RELCH: variants seen among roughly 807,000 people sequenced by gnomAD.
RELCH encodes RAB11-binding protein RELCH.
RELCH carries 41 observed loss-of-function variants against 150.3 expected under a neutral mutation model. That is an observed-to-expected ratio of 0.27 (90% CI 0.21 to 0.35). The LOEUF (loss-of-function observed/expected upper bound fraction) is 0.35, where lower values mean the gene tolerates loss of function less well. Ranked by LOEUF, RELCH falls within the 10% of genes least tolerant of loss-of-function variation. The pLI, the probability that RELCH is intolerant of heterozygous loss-of-function variation, is 1.00. For missense variants in RELCH, 1,092 were observed against 1,467.8 expected, an observed-to-expected ratio of 0.74 and a Z score of 4.18; for synonymous variants, 478 against 531.8, an observed-to-expected ratio of 0.90 and a Z score of 1.39.
chr18:62,286,149 A>G (rs1271566472), intron 25 of RELCH, among the ~76,000 whole-genome samples: 1 of 152,212 alleles, frequency 6.6e-6, no homozygotes, highest in Non-Finnish European at 1.5e-5. Context: ...TAAAGGAACC[A>G]TATATGAATA....
Position 62,308,607 on chromosome 18 carries a change from C to T in RELCH, c.*3073C>T, listed in dbSNP as rs1037899872. The T allele has an allele frequency of 6.6e-6, 1 of 152,226 alleles. No homozygotes were observed. Among genetic ancestry groups the T allele is most frequent in the Middle Eastern group, 3.4e-3 (1 of 296 alleles). The allele number at this position is 152,226 out of a possible 1,614,324, so 9.4% of individuals were successfully genotyped here. On this transcript the variant is annotated 3_prime_UTR_variant, in exon 29 of 29. Transcript: ENST00000644646. ...TGACGTGGGCCTGTAATCCCTGCTACTCGGGAGGCTGAGACAGGAGAATCG... is the reference window on the plus strand; with the variant it reads ...TGACGTGGGCCTGTAATCCCTGCTATTCGGGAGGCTGAGACAGGAGAATCG...
In RELCH at chr18:62,196,371, A is replaced by G. The variant is rs189987860; in HGVS notation, c.526+8340A>G. 5.9e-5 allele frequency among the ~76,000 whole-genome samples: 9 copies of G among 152,260 alleles called. No homozygotes were observed. In the East Asian group the frequency reaches 1.7e-3, roughly 29 times the overall value. ...CAGCCTCCTCAGTAGCTGGGATTAC[A>G]AGCCCGCACCACCACACCTGGCTAA... On this transcript the variant is annotated intron_variant, in intron 1 of 28. Transcript: ENST00000644646.
At chr18:62,248,853 A>G (rs1456654351) in intron 11 of RELCH, among the ~76,000 whole-genome samples, 1 of 152,188 alleles carries the variant, frequency 6.6e-6, no homozygotes, top group African/African-American at 2.4e-5. Flanking sequence ...GGAGGGCCAC[A>G]GATCAGGGTG....
intron 15 of RELCH, 132 bp downstream of exon 15, chr18:62,258,808 A>T (rs2043112945): frequency 1.8e-6 from 1 of 553,862 alleles, no homozygotes; most frequent in Non-Finnish European, 3.0e-6. Context: ...CCAGTTAAAG[A>T]TGCTGTTGGA....
At chr18:62,282,562 G>C in intron 25 of RELCH, 118 bp downstream of exon 25, 2 of 953,330 alleles carry the variant, frequency 2.1e-6, no homozygotes, top group South Asian at 1.4e-5. Context: ...TTAAAGCCTT[G>C]TGTACTGAAA....
chr18:62,270,616 T>G (rs775951529), intron 20 of RELCH, among the ~76,000 whole-genome samples: 9 of 152,144 alleles, frequency 5.9e-5, no homozygotes, highest in Non-Finnish European at 1.2e-4. Flanking sequence ...AGTACAGCAA[T>G]TCATATTTAT....
At position 62,264,009 on chromosome 18, in the gene RELCH, A is replaced by G. The variant is rs780920433; in HGVS notation, c.2371A>G (p.Met791Val). 9.9e-6 allele frequency: 16 copies of G among 1,608,348 alleles called. No homozygotes were observed. Among genetic ancestry groups the G allele is most frequent in the African/African-American group, 1.3e-5 (1 of 74,302 alleles). Reference protein sequence around the residue: ...QIEVTRFPRPMSPLQDVSTII... With the variant: ...QIEVTRFPRPVSPLQDVSTII... ...TGTAGTGACTAGGTTTCCTCGGCCT[A>G]TGTCGCCTCTTCAAGATGTGTCCAC... Residue 791 changes from methionine to valine, a missense_variant, in exon 17 of 29, where the codon ATG becomes GTG. Met to Val is a conservative substitution (Grantham distance 21, BLOSUM62 1). Transcript: ENST00000644646.
intron 26 of RELCH, among the ~76,000 whole-genome samples, chr18:62,290,532 A>T (rs1600256631): frequency 6.7e-6 from 1 of 148,806 alleles, no homozygotes; most frequent in South Asian, 2.1e-4. Context: ...AAATTCTGTT[A>T]AAAAAAAATA....
intron 5 of RELCH, among the ~76,000 whole-genome samples, chr18:62,224,061 T>C (rs2041053168): frequency 2.0e-5 from 3 of 152,150 alleles, no homozygotes; most frequent in Admixed American, 2.0e-4. Context: ...GTTGGTTTGC[T>C]GCACCCATCA....
In RELCH at chr18:62,308,530, G is replaced by A. The variant is rs2045936208; in HGVS notation, c.*2996G>A. The stretch of plus-strand genomic sequence containing the variant: ...AGGTCAGTAGTTCAAGACCAGCCTG[G>A]CCAACGTGGTGAAACCCCGCCTCTA... On this transcript the variant is annotated 3_prime_UTR_variant, in exon 29 of 29. Transcript: ENST00000644646. 6.6e-6 allele frequency: 1 copy of A among 152,076 alleles called. No individual in the cohort carries two copies. Among genetic ancestry groups the A allele is most frequent in the Non-Finnish European group, 1.5e-5 (1 of 68,034 alleles). 9.4% of individuals were successfully genotyped at this position (152,076 alleles called of 1,614,324 possible). A position where few individuals can be genotyped will look rare whatever the true frequency, so the allele number is the denominator to read the frequency against.
chr18:62,305,645 T>C lies in RELCH; in HGVS notation c.*111T>C, dbSNP rs1054823723. The C allele has an allele frequency of 2.6e-6, 3 of 1,152,450 alleles. No individual in the cohort carries two copies. Among genetic ancestry groups the C allele is most frequent in the Non-Finnish European group, 3.6e-6 (3 of 828,688 alleles). 71.4% of individuals were successfully genotyped at this position (1,152,450 alleles called of 1,614,324 possible). ...TCCTCAGTTTTATGTTCTTGCATTA[T>C]AATTTTATCCTAACCTCCAAAGATA... On this transcript the variant is annotated 3_prime_UTR_variant, in exon 29 of 29. Coordinates refer to ENST00000644646, the MANE Select transcript of RELCH (RefSeq NM_001346231.2). This position sits in a 1 kb window ranked among gnomAD's most constrained non-coding sequence, Gnocchi z 4.0.
chr18:62,242,543 G>A (rs1265073049), intron 10 of RELCH, among the ~76,000 whole-genome samples: 1 of 152,156 alleles, frequency 6.6e-6, no homozygotes, highest in Non-Finnish European at 1.5e-5. Flanking sequence ...GAAACTGAAA[G>A]AGAAGTTTGT....
chr18:62,205,652 C>G (rs2039731335), intron 1 of RELCH, among the ~76,000 whole-genome samples: 1 of 152,152 alleles, frequency 6.6e-6, no homozygotes, highest in Non-Finnish European at 1.5e-5. Context: ...TTAGCTTGTG[C>G]TGAAAGAAAC....
At chr18:62,279,015 G>T (rs78696891) in intron 22 of RELCH, among the ~76,000 whole-genome samples, 4,410 of 152,136 alleles carry the variant, frequency 0.029, 205 homozygotes, top group African/African-American at 0.1. Context: ...TGTTTGTCAG[G>T]CACAGTATTT....
chr18:62,268,734 A>C, intron 19 of RELCH, 135 bp from the exon 20 acceptor site: 1 of 441,876 alleles, frequency 2.3e-6, no homozygotes, highest in East Asian at 4.0e-5. Flanking sequence ...CAATAAACAT[A>C]TGTTTTCCAA....
chr18:62,276,599 C>G (rs1047611731), intron 22 of RELCH, among the ~76,000 whole-genome samples: 1 of 152,098 alleles, frequency 6.6e-6, no homozygotes, highest in Non-Finnish European at 1.5e-5. Context: ...TAATTCAAAT[C>G]TTGCCGAATA....
At chr18:62,255,712 C>T (rs1383062227) in intron 13 of RELCH, among the ~76,000 whole-genome samples, 5 of 152,042 alleles carry the variant, frequency 3.3e-5, no homozygotes. Context: ...CAGCAGTTCT[C>T]ATAGTGTGGT....
chr18:62,232,958 TACA>T (rs1465925309), intron 10 of RELCH, among the ~76,000 whole-genome samples: 1 of 152,044 alleles, frequency 6.6e-6, no homozygotes, highest in Non-Finnish European at 1.5e-5. Flanking sequence ...TAATATTGAC[TACA>T]ACAACTTTTT....
chr18:62,276,503 A>G (rs1355509720), intron 22 of RELCH, among the ~76,000 whole-genome samples: 1 of 152,128 alleles, frequency 6.6e-6, no homozygotes, highest in East Asian at 1.9e-4. Context: ...GTAATAGGGA[A>G]CATATACTTA....
Sources: allele counts gnomAD v4.1 joint callset (sites outside exome capture counted in the v4.1 genomes callset), GRCh38; gene constraint gnomAD v4.1.1; non-coding constraint Gnocchi (gnomAD v3.1); transcripts MANE v1.5; gene names NCBI Gene and HGNC (gene_info 2026-07-23, HGNC 2026-07-21).